The following PPEF1 variants were observed in gnomAD, a reference collection of about 807,000 sequenced individuals.
The protein encoded by PPEF1 is protein phosphatase with EF-hand domain 1.
In PPEF1, 12 loss-of-function variants were observed where a neutral mutation model predicts 53.3. That is an observed-to-expected ratio of 0.23 (90% CI 0.14 to 0.36). The LOEUF is 0.36. Among genes scored for constraint, PPEF1 ranks in the 10% least tolerant of loss-of-function variants. The pLI, the probability that PPEF1 is intolerant of heterozygous loss-of-function variation, is 1.00. For missense variants in PPEF1, 334 were observed against 490.4 expected (o/e 0.68, Z 3.01); for synonymous variants, 165 against 176.7 (o/e 0.93, Z 0.52).
rs1295463821 is a variant in PPEF1, at chrX:18,819,091, C to CG, written c.1501+947dup. ...AAGCATCCCTAATTTTGGCCACTCA[C>CG]GTATCCAGAGATTAAGATCAACTCA... is the stretch of plus-strand genomic sequence containing the variant. On this transcript the variant is annotated intron_variant, in intron 13 of 15. Coordinates refer to ENST00000470157, the MANE Select transcript of PPEF1 (RefSeq NM_001377996.1). 1.4e-4 allele frequency among the ~76,000 whole-genome samples: 16 copies of CG among 111,469 alleles called. 1 individual carries two copies. The highest frequency in any genetic ancestry group is 5.2e-4 in the African/African-American group (16 of 30,706).
rs1159237645 is a variant in PPEF1 at position 18,733,783 on chromosome X, C to T, written c.210C>T (p.Tyr70=). The T allele has an allele frequency of 1.7e-6, 2 of 1,188,670 alleles. No homozygotes were observed. Among genetic ancestry groups the T allele is most frequent in the Non-Finnish European group, 2.3e-6 (2 of 884,326 alleles). The change falls in exon 3 of 16, where the codon TAC becomes TAT. Residue 70 remains tyrosine, a synonymous_variant. Transcript: ENST00000470157. ...TCTTTTCCTTCATGTTGGAAAACTA[C>T]ACACATATACATAAGGAAGAGCTAG... is the stretch of plus-strand genomic sequence containing the variant. ...STFFSFMLEN[Y]THIHKEELEL...
At position 18,806,486 on chromosome X, in the gene PPEF1, T is replaced by C. The variant is rs749073725; in HGVS notation, c.1335T>C (p.Thr445=). The C allele has an allele frequency of 2.5e-6, 3 of 1,209,254 alleles. No homozygotes were observed. Among genetic ancestry groups the C allele is most frequent in the Admixed American group, 4.4e-5 (2 of 45,876 alleles). The change falls in exon 12 of 16, where the codon ACT becomes ACC. Residue 445 remains threonine (T), a synonymous_variant. Transcript: ENST00000470157. ...ACATCAAACTATGTTCTGGTACAACTCCTCGATTTTTCCAGTACCAAGTAA... is the reference window on the plus strand; with the variant it reads ...ACATCAAACTATGTTCTGGTACAACCCCTCGATTTTTCCAGTACCAAGTAA... The part of the protein sequence containing the change: ...GAYIKLCSGT[T]PRFFQYQVTK...
At chrX:18,779,290 A>G (rs1024544940) in intron 7 of PPEF1, 114 bp downstream of exon 7, 1 of 723,352 alleles carries the variant, frequency 1.4e-6, no homozygotes, top group African/African-American at 2.2e-5. Context: ...GATGAGGGGG[A>G]TCTCAAGGAG....
rs1453684074 is a variant in PPEF1 at position 18,733,826 on chromosome X, T to G, written c.235+18T>G. ...AGAGCTAGGTAAGTAAAAAGCTTAG[T>G]CTTTTCAAATGTGTCATTAAATATT... On this transcript the variant is annotated intron_variant, in intron 3 of 15. Transcript: ENST00000470157. 1 of 1,120,928 alleles carries G rather than the reference T, an allele frequency of 8.9e-7. No homozygotes were observed. The highest frequency in any genetic ancestry group is 3.1e-5 in the East Asian group (1 of 32,237). The allele number at this position is 1,120,928 out of a possible 1,213,427, so 92.4% of individuals were successfully genotyped here. A position where few individuals can be genotyped will look rare whatever the true frequency, so the allele number is the denominator to read the frequency against.
upstream of PPEF1, among the ~76,000 whole-genome samples, chrX:18,675,347 A>G (rs1279734831): frequency 1.8e-5 from 2 of 113,105 alleles, no homozygotes; most frequent in Admixed American, 9.2e-5. Context: ...CATTTTCCCA[A>G]CCGGCAAACT....
At chrX:18,737,299 T>C (rs2045008661) in intron 3 of PPEF1, among the ~76,000 whole-genome samples, 1 of 112,254 alleles carries the variant, frequency 8.9e-6, no homozygotes, top group Non-Finnish European at 1.9e-5. Context: ...CTGCTTTAAA[T>C]GTGTCCCAGA....
At chrX:18,789,023 TG>T (rs1287984260) in intron 9 of PPEF1, 97 bp from the exon 10 acceptor site, 2 of 1,019,490 alleles carry the variant, frequency 2.0e-6, no homozygotes, top group Admixed American at 5.5e-5. Context: ...CATTGGGTTG[TG>T]GCACCACAAC....
At chrX:18,723,209 T>A (rs2044627905) in intron 1 of PPEF1, among the ~76,000 whole-genome samples, 1 of 111,123 alleles carries the variant, frequency 9.0e-6, no homozygotes, top group Admixed American at 9.6e-5. Context: ...GCTCTCAAAC[T>A]CCTGATCTCA....
intron 1 of PPEF1, among the ~76,000 whole-genome samples, chrX:18,709,987 T>C (rs1423504637): frequency 3.6e-5 from 4 of 112,043 alleles, no homozygotes; most frequent in Non-Finnish European, 7.5e-5. Flanking sequence ...GTATAAAGGT[T>C]TCAATTTCTC....
intron 1 of PPEF1, among the ~76,000 whole-genome samples, chrX:18,716,888 A>AGAGAAGAT (rs1335997106): frequency 1.9e-4 from 21 of 110,202 alleles, no homozygotes; most frequent in Non-Finnish European, 1.9e-5. Context: ...AACTGCAGAC[A>AGAGAAGAT]GAGAAGATGC....
intron 2 of PPEF1, among the ~76,000 whole-genome samples, chrX:18,733,006 C>G (rs1014097019): frequency 9.0e-6 from 1 of 111,545 alleles, no homozygotes; most frequent in Non-Finnish European, 1.9e-5. Context: ...GAGTTTGAGA[C>G]CTGCCTGGCC....
At chrX:18,691,204 A>G (rs1306288237) in intron 4 of PPEF1, 1 of 111,800 alleles carries the variant, frequency 8.9e-6, no homozygotes, top group African/African-American at 3.3e-5. Context: ...TGTTTAGCCC[A>G]ACTCTTGTGG....
chrX:18,709,502 G>GTTT lies in PPEF1; in HGVS notation c.46+1680_46+1682dup, dbSNP rs752416903. On this transcript the variant is annotated intron_variant, in intron 1 of 15. Coordinates refer to ENST00000470157, the MANE Select transcript of PPEF1 (RefSeq NM_001377996.1). ...TTGGATTGTTTCAGCTTTGTTTTTTGTTTTTTGTTTTTTTTGAGACAGTCT... is the reference window on the plus strand; with the variant it reads ...TTGGATTGTTTCAGCTTTGTTTTTTGTTTTTTTTTGTTTTTTTTGAGACAGTCT... Among the ~76,000 whole-genome samples the GTTT allele has an allele frequency of 4.5e-4, 45 of 101,075 alleles. 2 individuals are homozygous for GTTT. Among genetic ancestry groups the GTTT allele is most frequent in the East Asian group, 6.3e-4 (2 of 3,190 alleles). 87.8% of individuals were successfully genotyped at this position (101,075 alleles called of 115,157 possible).
intron 7 of PPEF1, among the ~76,000 whole-genome samples, chrX:18,780,072 T>C (rs188731147): frequency 2.2e-3 from 251 of 112,430 alleles, no homozygotes; most frequent in African/African-American, 7.9e-3. Flanking sequence ...TACTTTTATT[T>C]AGGCATGCTG....
At chrX:18,683,485 G>T (rs1392505615) in intron 1 of PPEF1, among the ~76,000 whole-genome samples, 1 of 111,773 alleles carries the variant, frequency 8.9e-6, no homozygotes, top group East Asian at 2.8e-4. Flanking sequence ...TTAACTCATT[G>T]AATCCTCATG....
chrX:18,793,589 CT>C (rs1175096722), intron 10 of PPEF1, among the ~76,000 whole-genome samples: 1 of 110,704 alleles, frequency 9.0e-6, no homozygotes, highest in African/African-American at 3.3e-5. Flanking sequence ...TTATATATGT[CT>C]CTTTGAACAT....
chrX:18,680,522 G>T (rs190928576), upstream of PPEF1, among the ~76,000 whole-genome samples: 1 of 102,714 alleles, frequency 9.7e-6, no homozygotes, highest in East Asian at 3.0e-4. Context: ...TCCGCCTCCT[G>T]GGTTCAAATG....
chrX:18,714,325 G>C (rs749530894), intron 1 of PPEF1, among the ~76,000 whole-genome samples: 2 of 99,415 alleles, frequency 2.0e-5, no homozygotes, highest in East Asian at 7.1e-4. Context: ...GGGCTGGAGC[G>C]CAGTGGCGTG....
intron 15 of PPEF1, among the ~76,000 whole-genome samples, chrX:18,826,600 T>C (rs190790934): frequency 6.5e-4 from 70 of 107,683 alleles, no homozygotes; most frequent in Non-Finnish European, 3.1e-4. Context: ...TGATAATTTT[T>C]ATTTTTAGTA....
Sources: allele counts gnomAD v4.1 joint callset (sites outside exome capture counted in the v4.1 genomes callset), GRCh38; gene constraint gnomAD v4.1.1; transcripts MANE v1.5; gene names NCBI Gene and HGNC (gene_info 2026-07-23, HGNC 2026-07-21).